Variants in RSPO2 observed in about 807,000 individuals in gnomAD.
RSPO2 encodes the protein R-spondin-2.
In RSPO2, 14 loss-of-function variants were observed where a neutral mutation model predicts 30.9. That is an observed-to-expected ratio of 0.45 (90% confidence interval 0.30 to 0.71). RSPO2 has a LOEUF of 0.71. RSPO2 is among the 30% of genes least tolerant of loss of function. The pLI, the probability that RSPO2 is intolerant of heterozygous loss-of-function variation, is 0.08. For synonymous variants in RSPO2, 107 were observed against 96.4 expected (o/e 1.11, Z -0.64); for missense variants, 264 against 301.9 (o/e 0.87, Z 0.93).
chr8:107,995,004 C>T (rs1459765164), intron 2 of RSPO2, among the ~76,000 whole-genome samples: 3 of 152,076 alleles, frequency 2.0e-5, no homozygotes, highest in Non-Finnish European at 1.5e-5. Context: ...CCCACAGCCT[C>T]TCATCCAGGA....
At chr8:107,968,556 T>C (rs901644441) in intron 3 of RSPO2, among the ~76,000 whole-genome samples, 1 of 152,056 alleles carries the variant, frequency 6.6e-6, no homozygotes, top group Non-Finnish European at 1.5e-5. Flanking sequence ...TTAGTAATCA[T>C]TTATTATATA....
chr8:107,901,980 C>A (rs1402719772), intron 5 of RSPO2, among the ~76,000 whole-genome samples: 1 of 152,074 alleles, frequency 6.6e-6, no homozygotes, highest in Non-Finnish European at 1.5e-5. Context: ...TTTTTCTTTG[C>A]CTCTGCTATA....
intron 2 of RSPO2, among the ~76,000 whole-genome samples, chr8:108,002,491 A>C (rs1284590857): frequency 1.3e-5 from 2 of 152,164 alleles, no homozygotes. Context: ...GCCTATCCAA[A>C]ATTAAATTGC....
chr8:108,052,941 G>A (rs1812120901), intron 2 of RSPO2, among the ~76,000 whole-genome samples: 2 of 152,112 alleles, frequency 1.3e-5, no homozygotes, highest in Non-Finnish European at 2.9e-5. Flanking sequence ...GTAAAAAGGT[G>A]CCTTTAAGTT....
intron 2 of RSPO2, among the ~76,000 whole-genome samples, chr8:108,008,755 C>G (rs1346301405): frequency 6.8e-6 from 1 of 147,112 alleles, no homozygotes; most frequent in African/African-American, 2.5e-5. Flanking sequence ...TAAAGAGTCT[C>G]CTGAAAGGCT....
At position 107,900,940 on chromosome 8, in the gene RSPO2, C is replaced by T; in HGVS notation, c.*135G>A. The T allele has an allele frequency of 3.4e-6, 3 of 893,100 alleles. No individual in the cohort carries two copies. The highest frequency in any genetic ancestry group is 5.1e-6 in the Non-Finnish European group (3 of 587,062). The allele number at this position is 893,100 out of a possible 1,614,324, so 55.3% of individuals were successfully genotyped here. A position where few individuals can be genotyped will look rare whatever the true frequency, so the allele number is the denominator to read the frequency against. On this transcript the variant is annotated 3_prime_UTR_variant, in exon 6 of 6. Transcript: ENST00000276659. ...CACAGGGGCCATGCTGGTGGTGCTTCCTTTCACCATGTTACTGGGAACAGA... is the reference window on the plus strand; with the variant it reads ...CACAGGGGCCATGCTGGTGGTGCTTTCTTTCACCATGTTACTGGGAACAGA...
intron 3 of RSPO2, among the ~76,000 whole-genome samples, chr8:107,967,486 C>G (rs749818953): frequency 1.3e-5 from 2 of 151,844 alleles, no homozygotes; most frequent in Non-Finnish European, 2.9e-5. Flanking sequence ...TTTTGTAATA[C>G]AGTCAAGTAA....
chr8:107,932,221 G>C (rs1468165932), intron 5 of RSPO2, among the ~76,000 whole-genome samples: 1 of 152,052 alleles, frequency 6.6e-6, no homozygotes, highest in African/African-American at 2.4e-5. Context: ...GGAAAGAGTA[G>C]AGCTGGGTTA....
chr8:107,954,521 A>G (rs916325228), intron 5 of RSPO2, among the ~76,000 whole-genome samples: 3 of 152,162 alleles, frequency 2.0e-5, no homozygotes, highest in Admixed American at 6.5e-5. Flanking sequence ...TTTTCAAGTC[A>G]TTCACTCTTT....
intron 3 of RSPO2, among the ~76,000 whole-genome samples, chr8:107,971,290 A>G (rs1813991815): frequency 6.6e-6 from 1 of 152,206 alleles, no homozygotes; most frequent in Admixed American, 6.5e-5. Flanking sequence ...CACGACTTTT[A>G]TTTTCCAACC....
At chr8:107,930,395 A>G (rs2130342966) in intron 5 of RSPO2, among the ~76,000 whole-genome samples, 1 of 152,344 alleles carries the variant, frequency 6.6e-6, no homozygotes, top group South Asian at 2.1e-4. Flanking sequence ...TTGAAGATAA[A>G]GAGAAATTAA....
At chr8:108,058,354 C>A (rs1426770206) in intron 2 of RSPO2, among the ~76,000 whole-genome samples, 1 of 151,954 alleles carries the variant, frequency 6.6e-6, no homozygotes, top group Non-Finnish European at 1.5e-5. Context: ...AAAGAGGATA[C>A]AAACAAATGG....
At chr8:108,063,861 C>T (rs1165359374) in intron 2 of RSPO2, among the ~76,000 whole-genome samples, 1 of 152,150 alleles carries the variant, frequency 6.6e-6, no homozygotes, top group African/African-American at 2.4e-5. Flanking sequence ...ACAGAGCCCT[C>T]AGAAATAATG....
At chr8:108,046,147 T>C (rs1206981469) in intron 2 of RSPO2, among the ~76,000 whole-genome samples, 1 of 152,172 alleles carries the variant, frequency 6.6e-6, no homozygotes, top group Non-Finnish European at 1.5e-5. Context: ...TTTCCGAGTA[T>C]GGAAACCATT....
At chr8:107,974,843 C>T (rs888289755) in intron 3 of RSPO2, among the ~76,000 whole-genome samples, 1 of 100,174 alleles carries the variant, frequency 1.0e-5, no homozygotes, top group Admixed American at 1.0e-4. Context: ...CACACACATA[C>T]ACATACACAC....
chr8:108,021,307 C>A (rs1394568582), intron 2 of RSPO2, among the ~76,000 whole-genome samples: 2 of 152,242 alleles, frequency 1.3e-5, no homozygotes, highest in African/African-American at 2.4e-5. Context: ...AATAAATGAA[C>A]TTTTTTCTCA....
chr8:107,971,226 A>G (rs1441992434), intron 3 of RSPO2, among the ~76,000 whole-genome samples: 3 of 152,222 alleles, frequency 2.0e-5, no homozygotes, highest in Admixed American at 6.5e-5. Context: ...TACCAAATCC[A>G]CAAGAAACAA....
intron 5 of RSPO2, among the ~76,000 whole-genome samples, chr8:107,914,550 T>C (rs1172785064): frequency 1.3e-5 from 2 of 152,130 alleles, no homozygotes; most frequent in Admixed American, 1.3e-4. Context: ...AAAACAGAAT[T>C]GCAACTACAA....
Position 107,900,871 on chromosome 8 carries a change from C to T in RSPO2, c.*204G>A. 1 of 516,938 alleles carries T rather than the reference C, an allele frequency of 1.9e-6. No homozygotes were observed. The highest frequency in any genetic ancestry group is 1.9e-5 in the African/African-American group (1 of 51,736). The allele number at this position is 516,938 out of a possible 1,614,324, so 32.0% of individuals were successfully genotyped here. A position where few individuals can be genotyped will look rare whatever the true frequency, so the allele number is the denominator to read the frequency against. On this transcript the variant is annotated 3_prime_UTR_variant, in exon 6 of 6. Coordinates refer to ENST00000276659, the MANE Select transcript of RSPO2 (RefSeq NM_178565.5). ...AGCCAAGTCACGGGCTGTGCACTTA[C>T]TCCTGCCTTCACAGTCTCCAGATTC...
Sources: allele counts gnomAD v4.1 joint callset (sites outside exome capture counted in the v4.1 genomes callset), GRCh38; gene constraint gnomAD v4.1.1; transcripts MANE v1.5; gene names NCBI Gene and HGNC (gene_info 2026-07-23, HGNC 2026-07-21).